Variants in ZFPM2 observed in about 807,000 individuals in gnomAD.
ZFPM2 encodes zinc finger protein ZFPM2.
ZFPM2 carries 20 observed loss-of-function variants against 98.6 expected under a neutral mutation model. The observed-to-expected ratio is 0.20, with a 90% confidence interval of 0.14 to 0.29. The LOEUF (loss-of-function observed/expected upper bound fraction) is 0.29, where lower values mean the gene tolerates loss of function less well. ZFPM2 is among the 10% of genes least tolerant of loss of function. The pLI is 1.00. For missense variants in ZFPM2, 1,310 were observed against 1,388.6 expected (o/e 0.94, Z 0.90); for synonymous variants, 518 against 502.7 (o/e 1.03, Z -0.41).
intron 4 of ZFPM2, among the ~76,000 whole-genome samples, chr8:105,577,363 A>C (rs1815488950): frequency 6.6e-6 from 1 of 152,096 alleles, no homozygotes; most frequent in African/African-American, 2.4e-5. Context: ...CATATAGAGT[A>C]AACAGTTGAT....
chr8:105,394,698 C>T (rs1476566378), intron 1 of ZFPM2, among the ~76,000 whole-genome samples: 1 of 152,186 alleles, frequency 6.6e-6, no homozygotes, highest in Non-Finnish European at 1.5e-5. Flanking sequence ...ACGGAATTCC[C>T]ATTAGCATTA....
intron 5 of ZFPM2, among the ~76,000 whole-genome samples, chr8:105,779,716 C>T (rs553912777): frequency 1.1e-4 from 17 of 152,214 alleles, no homozygotes; most frequent in African/African-American, 4.1e-4. Flanking sequence ...ATGATGGGAT[C>T]CTTTCCAAAA....
At chr8:105,633,271 T>A (rs1014255696) in intron 4 of ZFPM2, among the ~76,000 whole-genome samples, 3 of 152,162 alleles carry the variant, frequency 2.0e-5, no homozygotes, top group African/African-American at 7.2e-5. Flanking sequence ...TAGGTGAAAA[T>A]TCAGTTCAAA....
At chr8:105,410,279 C>T (rs1442935799) in intron 1 of ZFPM2, among the ~76,000 whole-genome samples, 1 of 151,984 alleles carries the variant, frequency 6.6e-6, no homozygotes, top group East Asian at 1.9e-4. Context: ...ATTCATGTAA[C>T]TGTATTGTTA....
intron 4 of ZFPM2, among the ~76,000 whole-genome samples, chr8:105,588,752 G>A (rs150123827): frequency 3.9e-5 from 6 of 152,300 alleles, no homozygotes; most frequent in Non-Finnish European, 8.8e-5. Flanking sequence ...ATGCTCTTTT[G>A]TCAAAGATTA....
chr8:105,460,380 T>A (rs781582852), intron 3 of ZFPM2, among the ~76,000 whole-genome samples: 6 of 152,044 alleles, frequency 3.9e-5, no homozygotes, highest in Non-Finnish European at 7.4e-5. Flanking sequence ...GAAGAACACA[T>A]AGGAAACCCA....
Position 105,614,349 on chromosome 8 carries a change from C to T in ZFPM2, c.421-19897C>T, listed in dbSNP as rs111300691. ...CCTAAAAGAGACTTTTAAATCAATA[C>T]TGATTCATCAGTTATGTCTTCAAGT... On this transcript the variant is annotated intron_variant, in intron 4 of 7. Transcript: ENST00000407775. Among the ~76,000 whole-genome samples, 853 of 152,140 alleles carry T rather than the reference C, an allele frequency of 5.6e-3. 6 individuals carry two copies. Among genetic ancestry groups the T allele is most frequent in the African/African-American group, 0.018 (747 of 41,506 alleles).
chr8:105,781,393 T>C (rs1313153964), intron 5 of ZFPM2, among the ~76,000 whole-genome samples: 1 of 152,180 alleles, frequency 6.6e-6, no homozygotes, highest in African/African-American at 2.4e-5. Flanking sequence ...TTCTAAGTGT[T>C]AGCTATTTTA....
chr8:105,731,328 G>C (rs1156555998), intron 5 of ZFPM2, among the ~76,000 whole-genome samples: 1 of 151,094 alleles, frequency 6.6e-6, no homozygotes, highest in Non-Finnish European at 1.5e-5. Context: ...TCCTCTGCTT[G>C]ATAAAACAAT....
intron 5 of ZFPM2, among the ~76,000 whole-genome samples, chr8:105,677,006 T>C (rs1223374177): frequency 6.6e-6 from 1 of 152,062 alleles, no homozygotes; most frequent in Non-Finnish European, 1.5e-5. Flanking sequence ...AGAAAAAATA[T>C]TAAAGATGGA....
At chr8:105,660,201 G>A (rs1455233221) in intron 5 of ZFPM2, among the ~76,000 whole-genome samples, 1 of 152,046 alleles carries the variant, frequency 6.6e-6, no homozygotes, top group Non-Finnish European at 1.5e-5. Flanking sequence ...AGGCTGTACT[G>A]TTTAGGGTAT....
Position 105,788,758 on chromosome 8 carries a change from G to C in ZFPM2, c.573G>C (p.Glu191Asp). Reference protein sequence around the residue: ...LWCTTTKAISEGEELIAFVVD... With the variant: ...LWCTTTKAISDGEELIAFVVD... ...GTACAACTACGAAGGCCATCTCTGA[G>C]GGTGAAGAGCTAATTGCCTTTGTGG... is the stretch of plus-strand genomic sequence containing the variant. The change falls in exon 6 of 8, where the codon GAG becomes GAC. Residue 191 changes from glutamate (E) to aspartate (D), a missense_variant. By Grantham distance (45) the Glu-to-Asp change is conservative. Coordinates refer to ENST00000407775, the MANE Select transcript of ZFPM2 (RefSeq NM_012082.4). The C allele has an allele frequency of 1.2e-6, 2 of 1,614,012 alleles. No individual in the cohort carries two copies. Among genetic ancestry groups the C allele is most frequent in the Non-Finnish European group, 1.7e-6 (2 of 1,179,884 alleles).
chr8:105,793,265 T>C (rs1183877477), intron 6 of ZFPM2, among the ~76,000 whole-genome samples: 2 of 152,318 alleles, frequency 1.3e-5, no homozygotes, highest in African/African-American at 4.8e-5. Context: ...TCAGGAGCTG[T>C]TTTAGGGCAG....
At chr8:105,377,329 C>G (rs1810747224) in intron 1 of ZFPM2, among the ~76,000 whole-genome samples, 1 of 152,052 alleles carries the variant, frequency 6.6e-6, no homozygotes, top group African/African-American at 2.4e-5. Flanking sequence ...TATTTATTCA[C>G]TGGTTGTTTT....
At chr8:105,735,839 A>G (rs1812055916) in intron 5 of ZFPM2, among the ~76,000 whole-genome samples, 1 of 151,948 alleles carries the variant, frequency 6.6e-6, no homozygotes, top group Non-Finnish European at 1.5e-5. Flanking sequence ...AGATATGTGT[A>G]CTCAGTAGGT....
chr8:105,672,532 A>T (rs533625760), intron 5 of ZFPM2, among the ~76,000 whole-genome samples: 5 of 152,048 alleles, frequency 3.3e-5, no homozygotes, highest in African/African-American at 1.2e-4. Flanking sequence ...TGGTAATGCT[A>T]TATAAGAGTG....
intron 1 of ZFPM2, among the ~76,000 whole-genome samples, chr8:105,406,977 G>A (rs1365591096): frequency 2.0e-5 from 3 of 151,938 alleles, no homozygotes; most frequent in Non-Finnish European, 4.4e-5. Context: ...TAGAACAGTG[G>A]AATGAGGAAG....
intron 4 of ZFPM2, among the ~76,000 whole-genome samples, chr8:105,596,032 A>G (rs367851957): frequency 2.6e-5 from 4 of 151,578 alleles, no homozygotes; most frequent in African/African-American, 9.7e-5. Flanking sequence ...CAACAAAAAA[A>G]GAAGTAACCA....
intron 2 of ZFPM2, among the ~76,000 whole-genome samples, chr8:105,432,015 G>A (rs530277043): frequency 6.6e-6 from 1 of 152,060 alleles, no homozygotes; most frequent in African/African-American, 2.4e-5. Context: ...CAGGTAGAGG[G>A]AACAGCATTT....
Sources: gnomAD v4.1 joint callset for allele counts (sites outside exome capture counted in the v4.1 genomes callset) on GRCh38, gnomAD v4.1.1 for gene constraint, MANE v1.5 for transcripts, NCBI Gene and HGNC (gene_info 2026-07-23, HGNC 2026-07-21) for gene names.